Variants in IGF1R observed in about 807,000 individuals in gnomAD.
IGF1R encodes the protein insulin-like growth factor 1 receptor.
Under a neutral mutation model 144.6 loss-of-function variants are expected in IGF1R, and 44 were observed. The observed-to-expected ratio is 0.30, with a 90% CI of 0.24 to 0.39. IGF1R has a LOEUF of 0.39. Ranked by LOEUF, IGF1R falls within the 10% of genes least tolerant of loss-of-function variation. The pLI, the probability that IGF1R is intolerant of heterozygous loss-of-function variation, is 1.00. For missense variants in IGF1R, 1,355 were observed against 1,833.7 expected (o/e 0.74, Z 4.77); for synonymous variants, 795 against 722.8 (o/e 1.10, Z -1.60).
chr15:98,743,589 G>A (rs948233207), intron 2 of IGF1R, among the ~76,000 whole-genome samples: 1 of 152,334 alleles, frequency 6.6e-6, no homozygotes, highest in Middle Eastern at 3.4e-3. Context: ...AGGGTTTGGG[G>A]TGGAAAGGTG....
chr15:98,758,434 C>T (rs1490515943), intron 2 of IGF1R, among the ~76,000 whole-genome samples: 1 of 152,116 alleles, frequency 6.6e-6, no homozygotes, highest in Non-Finnish European at 1.5e-5. Flanking sequence ...AGCCGTCACA[C>T]AAGTCATGGG....
At chr15:98,873,523 C>T (rs951245544) in intron 2 of IGF1R, among the ~76,000 whole-genome samples, 2 of 152,208 alleles carry the variant, frequency 1.3e-5, no homozygotes, top group African/African-American at 2.4e-5. Flanking sequence ...GTCCGCTGTG[C>T]CTCTGCTCCT....
chr15:98,914,224 C>T (rs944965185), intron 8 of IGF1R, among the ~76,000 whole-genome samples: 8 of 152,246 alleles, frequency 5.3e-5, no homozygotes, highest in Admixed American at 6.5e-5. Context: ...GCCATGCCTC[C>T]TAATTCCATC....
chr15:98,663,934 G>C (rs1476342020), intron 1 of IGF1R, among the ~76,000 whole-genome samples: 1 of 152,216 alleles, frequency 6.6e-6, no homozygotes, highest in Non-Finnish European at 1.5e-5. Flanking sequence ...AAATTGACTG[G>C]ACACATTGTG....
chr15:98,648,865 CGGGCGGGGGCCGGCGCG>C lies in IGF1R; in HGVS notation c.-709_-693del, dbSNP rs926171335. 7.0e-6 allele frequency: 1 copy of C among 143,458 alleles called. No individual in the cohort carries two copies. The highest frequency in any genetic ancestry group is 1.5e-5 in the Non-Finnish European group (1 of 64,720). 8.9% of individuals were successfully genotyped at this position (143,458 alleles called of 1,614,324 possible). ...AGAGCAGGCGGCGGCGGGCGGGGGCCGGGCGGGGGCCGGCGCGGGGCGGGCGGCGGCGCAGAGCCGGG... is the reference window on the plus strand; with the variant it reads ...AGAGCAGGCGGCGGCGGGCGGGGGCCGGGCGGGCGGCGGCGCAGAGCCGGG... On this transcript the variant is annotated 5_prime_UTR_variant, in exon 1 of 21. Coordinates refer to ENST00000650285, the MANE Select transcript of IGF1R (RefSeq NM_000875.5).
chr15:98,895,114 G>A (rs1299325586), intron 3 of IGF1R, among the ~76,000 whole-genome samples: 1 of 152,012 alleles, frequency 6.6e-6, no homozygotes, highest in Non-Finnish European at 1.5e-5. Flanking sequence ...GCAGGGCAGT[G>A]AGTATGAACA....
intron 1 of IGF1R, among the ~76,000 whole-genome samples, chr15:98,705,089 G>C (rs118123518): frequency 1.1e-3 from 162 of 152,292 alleles, no homozygotes; most frequent in Middle Eastern, 6.8e-3. Flanking sequence ...CCAGTGACAT[G>C]AATTTGATCA....
At chr15:98,797,341 A>G (rs1340144215) in intron 2 of IGF1R, among the ~76,000 whole-genome samples, 1 of 148,858 alleles carries the variant, frequency 6.7e-6, no homozygotes, top group African/African-American at 2.6e-5. Flanking sequence ...AAGCCCACTC[A>G]GGGGGAAGGT....
chr15:98,705,958 T>A (rs1485520239), intron 1 of IGF1R, among the ~76,000 whole-genome samples: 1 of 152,266 alleles, frequency 6.6e-6, no homozygotes, highest in African/African-American at 2.4e-5. Flanking sequence ...TACCTTGTTC[T>A]GCATTGTCTC....
At chr15:98,940,390 G>A (rs1379231971) in intron 18 of IGF1R, among the ~76,000 whole-genome samples, 2 of 152,192 alleles carry the variant, frequency 1.3e-5, no homozygotes, top group Non-Finnish European at 2.9e-5. Context: ...GGTGAACAAT[G>A]AGAATCTTTT....
chr15:98,696,179 T>G (rs947779382), intron 1 of IGF1R, among the ~76,000 whole-genome samples: 4 of 152,196 alleles, frequency 2.6e-5, no homozygotes, highest in Non-Finnish European at 5.9e-5. Flanking sequence ...TTCCTCTCTA[T>G]TGCAATTCCA....
intron 10 of IGF1R, among the ~76,000 whole-genome samples, chr15:98,920,872 C>G (rs2015454975): frequency 6.6e-6 from 1 of 152,180 alleles, no homozygotes; most frequent in Non-Finnish European, 1.5e-5. Context: ...AGGCCCTTTC[C>G]CAAAGCCCTC....
chr15:98,843,762 A>G (rs891153728), intron 2 of IGF1R, among the ~76,000 whole-genome samples: 2 of 152,066 alleles, frequency 1.3e-5, no homozygotes, highest in Non-Finnish European at 2.9e-5. Flanking sequence ...TCAGAGTGGG[A>G]TTGTTTTTTG....
At chr15:98,778,909 C>A (rs908150548) in intron 2 of IGF1R, among the ~76,000 whole-genome samples, 2 of 152,162 alleles carry the variant, frequency 1.3e-5, no homozygotes, top group Non-Finnish European at 2.9e-5. Context: ...ATGGAAAAAC[C>A]CACCACCAGC....
intron 2 of IGF1R, chr15:98,880,569 A>G (rs879081725): frequency 1.3e-5 from 2 of 152,208 alleles, no homozygotes; most frequent in East Asian, 1.9e-4. Flanking sequence ...GAACTTGGAT[A>G]TTTCTGTGAG....
chr15:98,878,689 A>C (rs1488225454), intron 2 of IGF1R, among the ~76,000 whole-genome samples: 6 of 140,064 alleles, frequency 4.3e-5, no homozygotes, highest in African/African-American at 1.2e-4. Flanking sequence ...AAAAAAAAAA[A>C]AAAAAACAAC....
At chr15:98,719,223 C>T (rs944633420) in intron 2 of IGF1R, among the ~76,000 whole-genome samples, 2 of 152,174 alleles carry the variant, frequency 1.3e-5, no homozygotes, top group African/African-American at 4.8e-5. Flanking sequence ...TGTTTTTCCA[C>T]TCACAAGGAA....
At chr15:98,728,970 T>C (rs2054431820) in intron 2 of IGF1R, among the ~76,000 whole-genome samples, 1 of 152,184 alleles carries the variant, frequency 6.6e-6, no homozygotes, top group Admixed American at 6.5e-5. Context: ...TCAGCTTCCT[T>C]CTAAGGTCGT....
At chr15:98,874,415 A>G (rs551933482) in intron 2 of IGF1R, among the ~76,000 whole-genome samples, 52 of 152,266 alleles carry the variant, frequency 3.4e-4, no homozygotes, top group Non-Finnish European at 6.6e-4. Flanking sequence ...AAATTGGAGG[A>G]GGGCAGTCCA....
Sources: gnomAD v4.1 joint callset for allele counts (sites outside exome capture counted in the v4.1 genomes callset) on GRCh38, gnomAD v4.1.1 for gene constraint, MANE v1.5 for transcripts, NCBI Gene and HGNC (gene_info 2026-07-23, HGNC 2026-07-21) for gene names.